PBX1: variants seen among roughly 807,000 people sequenced by gnomAD.
PBX1 encodes the protein pre-B-cell leukemia transcription factor 1.
In PBX1, 6 loss-of-function variants were observed where a neutral mutation model predicts 53.4. The ratio of observed to expected loss-of-function variants is 0.11; its 90% confidence interval spans 0.06 to 0.22. The LOEUF (loss-of-function observed/expected upper bound fraction) is 0.22, where lower values mean the gene tolerates loss of function less well. PBX1 is among the 10% of genes least tolerant of loss of function. The pLI is 1.00. For synonymous variants in PBX1, 204 were observed against 212.3 expected, an observed-to-expected ratio of 0.96 and a Z score of 0.34; for missense variants, 251 against 551.4, an observed-to-expected ratio of 0.46 and a Z score of 5.46.
At chr1:164,798,140 G>A (rs1668879947) in intron 3 of PBX1, among the ~76,000 whole-genome samples, 1 of 152,214 alleles carries the variant, frequency 6.6e-6, no homozygotes, top group South Asian at 2.1e-4. Flanking sequence ...ATTCACCAGT[G>A]TAGACACAGC....
chr1:164,607,211 G>T (rs1294009083), intron 2 of PBX1, among the ~76,000 whole-genome samples: 3 of 152,150 alleles, frequency 2.0e-5, no homozygotes, highest in Non-Finnish European at 4.4e-5. Flanking sequence ...AACAAGATCA[G>T]ATTTGTACTT....
chr1:164,622,904 T>A (rs1005300824), intron 2 of PBX1, among the ~76,000 whole-genome samples: 1 of 145,340 alleles, frequency 6.9e-6, no homozygotes, highest in Non-Finnish European at 1.5e-5. Context: ...AACCTCTGCC[T>A]CCCAGGTTCA....
chr1:164,860,488 G>A (rs893316621), intron 2 of PBX1, among the ~76,000 whole-genome samples: 8 of 151,948 alleles, frequency 5.3e-5, no homozygotes, highest in African/African-American at 1.7e-4. Context: ...TCTTCTTATA[G>A]CACCCCTAGA....
intron 2 of PBX1, among the ~76,000 whole-genome samples, chr1:164,764,290 A>AT (rs1346467770): frequency 6.6e-6 from 1 of 152,172 alleles, no homozygotes; most frequent in African/African-American, 2.4e-5. Flanking sequence ...ATTTATTTGT[A>AT]TTTTTTAAAG....
intron 2 of PBX1, among the ~76,000 whole-genome samples, chr1:164,760,696 C>T (rs1035778319): frequency 6.6e-6 from 1 of 152,116 alleles, no homozygotes; most frequent in African/African-American, 2.4e-5. Context: ...TTTCATTCTC[C>T]CGGCTGCTAA....
chr1:164,882,369 T>C (rs1672680717), intron 2 of PBX1, among the ~76,000 whole-genome samples: 1 of 152,218 alleles, frequency 6.6e-6, no homozygotes, highest in South Asian at 2.1e-4. Flanking sequence ...CATTTTTTCT[T>C]GATTTCTTAG....
intron 2 of PBX1, among the ~76,000 whole-genome samples, chr1:164,738,249 T>G (rs1226491510): frequency 6.6e-6 from 1 of 152,152 alleles, no homozygotes; most frequent in Non-Finnish European, 1.5e-5. Context: ...ATATTTTCAC[T>G]TCTCTTAGAT....
chr1:164,865,673 G>T (rs1174881238), intron 2 of PBX1, among the ~76,000 whole-genome samples: 1 of 152,194 alleles, frequency 6.6e-6, no homozygotes, highest in Non-Finnish European at 1.5e-5. Context: ...CAAAGCAGAG[G>T]AGCCGAGAAT....
intron 2 of PBX1, among the ~76,000 whole-genome samples, chr1:164,645,644 G>C (rs1483281559): frequency 6.6e-6 from 1 of 152,040 alleles, no homozygotes; most frequent in African/African-American, 2.4e-5. Context: ...ACAAAGTAAG[G>C]GGACCTTTGA....
At chr1:164,796,745 C>G (rs534062884) in intron 3 of PBX1, among the ~76,000 whole-genome samples, 1 of 152,222 alleles carries the variant, frequency 6.6e-6, no homozygotes, top group African/African-American at 2.4e-5. Context: ...AGAAATCCCT[C>G]TGCCCTATGG....
intron 5 of PBX1, among the ~76,000 whole-genome samples, chr1:164,811,166 C>T (rs1048966358): frequency 2.6e-5 from 4 of 152,036 alleles, no homozygotes; most frequent in African/African-American, 9.7e-5. Flanking sequence ...TTTCCTTCCC[C>T]GGGCAGGAAT....
At chr1:164,796,752 A>G (rs1668806645) in intron 3 of PBX1, among the ~76,000 whole-genome samples, 1 of 152,216 alleles carries the variant, frequency 6.6e-6, no homozygotes, top group Non-Finnish European at 1.5e-5. Flanking sequence ...CCTCTGCCCT[A>G]TGGAGGCAGC....
chr1:164,565,005 T>G (rs1653330544), intron 2 of PBX1, among the ~76,000 whole-genome samples: 1 of 152,038 alleles, frequency 6.6e-6, no homozygotes, highest in East Asian at 1.9e-4. Flanking sequence ...CTAAAGAGAG[T>G]CTATTTTTGA....
intron 2 of PBX1, among the ~76,000 whole-genome samples, chr1:164,659,377 T>G (rs1660352739): frequency 6.6e-6 from 1 of 152,228 alleles, no homozygotes; most frequent in African/African-American, 2.4e-5. Flanking sequence ...GGCATTTTTC[T>G]GCCACTTCCT....
chr1:164,588,473 C>CT (rs371768861), intron 2 of PBX1, among the ~76,000 whole-genome samples: 3,200 of 72,816 alleles, frequency 0.044, 476 homozygotes, highest in African/African-American at 0.048. Flanking sequence ...CCGGACTAAG[C>CT]TTTTTTTTTT....
At chr1:164,643,366 C>G (rs1416955019) in intron 2 of PBX1, among the ~76,000 whole-genome samples, 2 of 152,050 alleles carry the variant, frequency 1.3e-5, no homozygotes, top group Admixed American at 6.6e-5. Context: ...AAAGAAAGGG[C>G]AAAGTTCAGG....
At chr1:164,738,014 T>C (rs1665393443) in intron 2 of PBX1, among the ~76,000 whole-genome samples, 1 of 152,166 alleles carries the variant, frequency 6.6e-6, no homozygotes. Context: ...GCTTCATATA[T>C]ATATATATGG....
intron 2 of PBX1, among the ~76,000 whole-genome samples, chr1:164,875,309 T>C (rs1382649064): frequency 6.6e-6 from 1 of 152,146 alleles, no homozygotes; most frequent in Non-Finnish European, 1.5e-5. Context: ...ATTTATTTTA[T>C]TTTATTTTTG....
intron 2 of PBX1, among the ~76,000 whole-genome samples, chr1:164,715,528 G>A (rs1439942887): frequency 6.6e-6 from 1 of 152,178 alleles, no homozygotes; most frequent in African/African-American, 2.4e-5. Flanking sequence ...TTGTCCTGAA[G>A]AAGGGAAGAG....
Sources: gnomAD v4.1 joint callset for allele counts (sites outside exome capture counted in the v4.1 genomes callset) on GRCh38, gnomAD v4.1.1 for gene constraint, MANE v1.5 for transcripts, NCBI Gene and HGNC (gene_info 2026-07-23, HGNC 2026-07-21) for gene names.